Variants in SHROOM4 observed in about 807,000 individuals in gnomAD.
SHROOM4 encodes the protein shroom family member 4.
Under a neutral mutation model 80.3 loss-of-function variants are expected in SHROOM4, and 17 were observed. The observed-to-expected ratio is 0.21, with a 90% CI of 0.14 to 0.32. The LOEUF is 0.32. SHROOM4 is among the 10% of genes least tolerant of loss of function. The pLI is 1.00. For missense variants in SHROOM4, 993 were observed against 1,140.3 expected (o/e 0.87, Z 1.86); for synonymous variants, 400 against 437.5 (o/e 0.91, Z 1.07).
At chrX:50,679,232 A>C (rs1486263895) in intron 2 of SHROOM4, among the ~76,000 whole-genome samples, 1 of 111,019 alleles carries the variant, frequency 9.0e-6, no homozygotes, top group Non-Finnish European at 1.9e-5. Context: ...TAAAAAGATA[A>C]GCATTGAGAA....
chrX:50,602,580 G>A, intron 7 of SHROOM4, 53 bp downstream of exon 7: 1 of 1,146,256 alleles, frequency 8.7e-7, no homozygotes, highest in Non-Finnish European at 1.2e-6. Flanking sequence ...TCATCCTCCA[G>A]ATACATTCAA....
intron 1 of SHROOM4, among the ~76,000 whole-genome samples, chrX:50,775,589 G>A (rs142268524): frequency 1.8e-5 from 2 of 111,836 alleles, no homozygotes; most frequent in Admixed American, 1.9e-4. Context: ...GGCACTCTGA[G>A]GCAAGCAAAG....
intron 1 of SHROOM4, among the ~76,000 whole-genome samples, chrX:50,807,906 G>T (rs974306119): frequency 4.5e-5 from 5 of 111,559 alleles, no homozygotes; most frequent in African/African-American, 1.6e-4. Flanking sequence ...TGACATGGCC[G>T]CCAGAAAGAG....
intron 5 of SHROOM4, among the ~76,000 whole-genome samples, chrX:50,622,795 T>C (rs147299744): frequency 7.4e-4 from 83 of 112,491 alleles, no homozygotes; most frequent in African/African-American, 2.6e-3. Context: ...CCTGAGACCT[T>C]TAATTGGGAC....
intron 5 of SHROOM4, among the ~76,000 whole-genome samples, chrX:50,622,157 A>G (rs1395773021): frequency 3.6e-5 from 4 of 112,236 alleles, no homozygotes; most frequent in African/African-American, 1.3e-4. Flanking sequence ...CACTCAATAA[A>G]TGTTAGCTAT....
In SHROOM4 at chrX:50,591,694, TTTTCTTTCTTTCTTTCTTTC is replaced by T. The variant is rs199924127; in HGVS notation, c.*4981_*5000del. 6 of 248,947 alleles carry T rather than the reference TTTTCTTTCTTTCTTTCTTTC, an allele frequency of 2.4e-5. No individual in the cohort carries two copies. Among genetic ancestry groups the T allele is most frequent in the East Asian group, 1.2e-4 (1 of 8,211 alleles). The allele number at this position is 248,947 out of a possible 1,213,427, so 20.5% of individuals were successfully genotyped here. A position where few individuals can be genotyped will look rare whatever the true frequency, so the allele number is the denominator to read the frequency against. ...TTTTCTTTCTTTCTTTCTTTCTTTCTTTTCTTTCTTTCTTTCTTTCTTTCTTTCTTTCTTTCTTTTTGAGA... is the reference window on the plus strand; with the variant it reads ...TTTTCTTTCTTTCTTTCTTTCTTTCTTTTCTTTCTTTCTTTCTTTTTGAGA... On this transcript the variant is annotated 3_prime_UTR_variant, in exon 9 of 9. Coordinates refer to ENST00000376020, the MANE Select transcript of SHROOM4 (RefSeq NM_020717.5).
chrX:50,640,968 A>G lies in SHROOM4; in HGVS notation c.270-2660T>C, dbSNP rs782607596. Among the ~76,000 whole-genome samples, 17 of 112,499 alleles carry G rather than the reference A, an allele frequency of 1.5e-4. No homozygotes were observed. In the East Asian group the frequency reaches 4.5e-3, roughly 30 times the overall value. ...ACCAAATGGGATTGTTGAAAGATCA[A>G]ATGAGACAATGCAAGTGCTTTGAAT... On this transcript the variant is annotated intron_variant, in intron 2 of 8. Transcript: ENST00000376020.
intron 1 of SHROOM4, among the ~76,000 whole-genome samples, chrX:50,705,782 C>A (rs1229772064): frequency 9.0e-6 from 1 of 110,593 alleles, no homozygotes; most frequent in East Asian, 2.9e-4. Flanking sequence ...CTTCTGCCCC[C>A]CTACTCCACA....
At chrX:50,812,968 C>T (rs1188440792) in intron 1 of SHROOM4, among the ~76,000 whole-genome samples, 1 of 111,601 alleles carries the variant, frequency 9.0e-6, no homozygotes, top group Non-Finnish European at 1.9e-5. Context: ...AGTCGTCCCA[C>T]AAGTCACTCT....
intron 7 of SHROOM4, among the ~76,000 whole-genome samples, chrX:50,599,873 A>C (rs915542657): frequency 1.8e-5 from 2 of 111,544 alleles, no homozygotes; most frequent in Non-Finnish European, 1.9e-5. Flanking sequence ...GAAGTTCCTC[A>C]CTTTCTATTC....
chrX:50,677,988 A>G (rs1932875787), intron 2 of SHROOM4, among the ~76,000 whole-genome samples: 1 of 111,877 alleles, frequency 8.9e-6, no homozygotes, highest in Non-Finnish European at 1.9e-5. Context: ...AAAATGACCA[A>G]CCTATCTTTT....
chrX:50,703,888 C>A (rs1557263727), intron 1 of SHROOM4, among the ~76,000 whole-genome samples: 1 of 111,939 alleles, frequency 8.9e-6, no homozygotes, highest in African/African-American at 3.2e-5. Flanking sequence ...TCTTGACTGT[C>A]TAATAAGATA....
chrX:50,579,669 G>A, the SHROOM4 span, among the ~76,000 whole-genome samples: 7 of 111,285 alleles, frequency 6.3e-5, no homozygotes, highest in Admixed American at 4.8e-4. Context: ...TGTGCAACAG[G>A]GCACCCGGGA....
At chrX:50,759,623 T>C (rs1458444058) in intron 1 of SHROOM4, among the ~76,000 whole-genome samples, 1 of 112,052 alleles carries the variant, frequency 8.9e-6, no homozygotes, top group African/African-American at 3.2e-5. Flanking sequence ...CAAAATTCCT[T>C]CTGAATCTCC....
intron 6 of SHROOM4, among the ~76,000 whole-genome samples, chrX:50,604,265 A>T (rs1280207520): frequency 8.9e-6 from 1 of 112,091 alleles, no homozygotes; most frequent in Non-Finnish European, 1.9e-5. Flanking sequence ...CCTAAGATAG[A>T]TACATGCACA....
chrX:50,813,414 C>T (rs1284746670), intron 1 of SHROOM4, among the ~76,000 whole-genome samples: 1 of 112,051 alleles, frequency 8.9e-6, no homozygotes, highest in East Asian at 2.8e-4. Context: ...GCCTCATCTC[C>T]GTTCCCACAC....
rs1557254786 is a variant in SHROOM4, at chrX:50,633,588, A to G, written c.2485T>C (p.Ser829Pro). ...TATGGTTGGTCTGCGGAATGATATG[A>G]TTGGTCCATGGGATGGCGCCTCAAT... ...RELRRHPMDQ[S>P]YHSADQPYHA... Residue 829 changes from serine to proline, a missense_variant, in exon 4 of 9, where the codon TCA becomes CCA. By Grantham distance (74) the Ser-to-Pro change is moderately conservative (BLOSUM62 -1). Coordinates refer to ENST00000376020, the MANE Select transcript of SHROOM4 (RefSeq NM_020717.5). The G allele has an allele frequency of 9.9e-6, 12 of 1,211,802 alleles. No homozygotes were observed. Among genetic ancestry groups the G allele is most frequent in the Non-Finnish European group, 1.3e-5 (12 of 895,569 alleles).
intron 1 of SHROOM4, among the ~76,000 whole-genome samples, chrX:50,810,239 G>A (rs1395774601): frequency 9.0e-6 from 1 of 110,877 alleles, no homozygotes; most frequent in East Asian, 2.8e-4. Context: ...CCATATTCAG[G>A]GAAATCATAG....
At chrX:50,665,635 G>A (rs1389442586) in intron 2 of SHROOM4, among the ~76,000 whole-genome samples, 1 of 109,837 alleles carries the variant, frequency 9.1e-6, no homozygotes, top group African/African-American at 3.3e-5. Flanking sequence ...CTGGCTGTGA[G>A]ACAGTGGACA....
Sources: allele counts gnomAD v4.1 joint callset (sites outside exome capture counted in the v4.1 genomes callset), GRCh38; gene constraint gnomAD v4.1.1; transcripts MANE v1.5; gene names NCBI Gene and HGNC (gene_info 2026-07-23, HGNC 2026-07-21).